Variants in GPBP1 observed in about 807,000 individuals in gnomAD.
The protein encoded by GPBP1 is vasculin.
GPBP1 carries 13 observed loss-of-function variants against 56.5 expected under a neutral mutation model. The observed-to-expected ratio is 0.23, with a 90% CI of 0.15 to 0.37. The LOEUF (loss-of-function observed/expected upper bound fraction) is 0.37, where lower values mean the gene tolerates loss of function less well. Among genes scored for constraint, GPBP1 ranks in the 10% least tolerant of loss-of-function variants. GPBP1 has a pLI of 1.00. For missense variants in GPBP1, 477 were observed against 572.3 expected (o/e 0.83, Z 1.70); for synonymous variants, 204 against 188.9 (o/e 1.08, Z -0.66).
At chr5:57,219,405 C>CAAAAAAAAAAA (rs1200185260) in intron 3 of GPBP1, among the ~76,000 whole-genome samples, 3 of 34,188 alleles carry the variant, frequency 8.8e-5, no homozygotes, top group Non-Finnish European at 1.1e-4. Flanking sequence ...AAAAAAAAAC[C>CAAAAAAAAAAA]AAAAACAAAC....
At chr5:57,256,532 AAGAG>A (rs950082165) in intron 10 of GPBP1, among the ~76,000 whole-genome samples, 12 of 152,306 alleles carry the variant, frequency 7.9e-5, no homozygotes, top group African/African-American at 1.7e-4. Context: ...AAACTATAAA[AAGAG>A]AGAGTTATGC....
intron 6 of GPBP1, chr5:57,246,033 T>G: frequency 3.6e-6 from 1 of 280,428 alleles, no homozygotes; most frequent in East Asian, 6.1e-5. Context: ...TTTGTCTTGG[T>G]TTTAACATTC....
intron 2 of GPBP1, among the ~76,000 whole-genome samples, chr5:57,185,728 G>A (rs1754256492): frequency 1.3e-5 from 2 of 152,100 alleles, no homozygotes; most frequent in Non-Finnish European, 2.9e-5. Context: ...GCCTGAGCAC[G>A]GTGCCTCATG....
chr5:57,193,802 AC>A (rs1395100292), intron 2 of GPBP1, among the ~76,000 whole-genome samples: 4 of 152,130 alleles, frequency 2.6e-5, no homozygotes, highest in South Asian at 2.1e-4. Flanking sequence ...TTTGAAAAAA[AC>A]AAAACAGTTT....
At chr5:57,256,756 G>GT (rs1167633499) in intron 10 of GPBP1, among the ~76,000 whole-genome samples, 1 of 152,040 alleles carries the variant, frequency 6.6e-6, no homozygotes, top group African/African-American at 2.4e-5. Context: ...ATATGAAACT[G>GT]TTTTTATTTA....
intron 2 of GPBP1, among the ~76,000 whole-genome samples, chr5:57,181,364 C>T (rs1176595835): frequency 1.3e-5 from 2 of 151,658 alleles, no homozygotes; most frequent in Admixed American, 1.3e-4. Flanking sequence ...AGAGATGAGG[C>T]CGGATGCCTC....
chr5:57,195,715 T>C (rs1326159609), intron 2 of GPBP1, among the ~76,000 whole-genome samples: 1 of 152,054 alleles, frequency 6.6e-6, no homozygotes, highest in Non-Finnish European at 1.5e-5. Flanking sequence ...AATACGTTTT[T>C]CGGCTGGGCG....
chr5:57,205,784 G>A (rs1169904511), intron 2 of GPBP1, among the ~76,000 whole-genome samples: 1 of 151,702 alleles, frequency 6.6e-6, no homozygotes, highest in Non-Finnish European at 1.5e-5. Flanking sequence ...TATTTTTTGA[G>A]ACAGGATCTT....
chr5:57,194,328 C>G (rs753610510), intron 2 of GPBP1, among the ~76,000 whole-genome samples: 13 of 152,102 alleles, frequency 8.5e-5, no homozygotes, highest in Non-Finnish European at 1.8e-4. Context: ...ATGTATATTT[C>G]TAGTGCTAAT....
intron 3 of GPBP1, among the ~76,000 whole-genome samples, chr5:57,217,310 C>T (rs888198566): frequency 2.6e-5 from 4 of 152,122 alleles, no homozygotes; most frequent in African/African-American, 9.7e-5. Flanking sequence ...CGGTGGCTCA[C>T]GCCTATAATC....
chr5:57,200,830 A>C (rs1754987834), intron 2 of GPBP1, among the ~76,000 whole-genome samples: 1 of 152,084 alleles, frequency 6.6e-6, no homozygotes, highest in Middle Eastern at 3.2e-3. Flanking sequence ...TACAGGCGCT[A>C]GCCACCACGC....
intron 2 of GPBP1, among the ~76,000 whole-genome samples, chr5:57,209,629 A>G (rs1755388485): frequency 6.6e-6 from 1 of 150,486 alleles, no homozygotes; most frequent in South Asian, 2.1e-4. Flanking sequence ...GGTTTTTTTT[A>G]ATAGATGCTG....
At chr5:57,249,138 CTAGGA>C (rs1166109819) in intron 8 of GPBP1, 1 of 293,272 alleles carries the variant, frequency 3.4e-6, no homozygotes, top group Non-Finnish European at 6.4e-6. Context: ...TTAAACAATT[CTAGGA>C]TGCATTTATA....
rs907199088 is a variant in GPBP1 at position 57,232,625 on chromosome 5, G to A, written c.411+1304G>A. On this transcript the variant is annotated intron_variant, in intron 5 of 11. Transcript: ENST00000506184. ...AAAACTTTTTGAAAAGTTCTAAGGT[G>A]CTAGCCAATCAGGACAAATACAGAA... 7.0e-4 allele frequency among the ~76,000 whole-genome samples: 107 copies of A among 152,280 alleles called. 1 individual carries two copies. The highest frequency in any genetic ancestry group is 2.5e-4 in the Non-Finnish European group (17 of 68,026).
In GPBP1 at chr5:57,218,744, C is replaced by T. The variant is rs534545436; in HGVS notation, c.63+4551C>T. Among the ~76,000 whole-genome samples the T allele has an allele frequency of 1.7e-3, 263 of 152,262 alleles. 3 individuals carry two copies. Among genetic ancestry groups the T allele is most frequent in the African/African-American group, 6.2e-3 (256 of 41,560 alleles). ...CCTCCCAGTGTGCTGGGATAACAGG[C>T]GTGAGCCACCACGCTCGAGCCAGAA... On this transcript the variant is annotated intron_variant, in intron 3 of 11. Transcript: ENST00000506184.
intron 2 of GPBP1, among the ~76,000 whole-genome samples, chr5:57,193,702 T>A (rs1226330240): frequency 6.6e-6 from 1 of 151,912 alleles, no homozygotes; most frequent in East Asian, 1.9e-4. Context: ...TTTAAAAAAT[T>A]AAATTGTTGG....
At chr5:57,218,821 A>G (rs1057494656) in intron 3 of GPBP1, among the ~76,000 whole-genome samples, 4 of 152,232 alleles carry the variant, frequency 2.6e-5, no homozygotes, top group African/African-American at 7.2e-5. Flanking sequence ...ACCAGGTCCT[A>G]ATAAATTTTG....
rs1430851853 is a variant in GPBP1, at chr5:57,176,020, C to T, written c.-438C>T. On this transcript the variant is annotated 5_prime_UTR_variant, in exon 2 of 12. Transcript: ENST00000506184. ...CGGCAGCATGGTAGTATTGAGATAG[C>T]TATGTGTGTCTCTGTATATGCTGAT... 2.5e-6 allele frequency: 1 copy of T among 398,290 alleles called. No homozygotes were observed. The highest frequency in any genetic ancestry group is 4.4e-6 in the Non-Finnish European group (1 of 226,028). 24.7% of individuals were successfully genotyped at this position (398,290 alleles called of 1,614,324 possible).
At chr5:57,255,581 T>C (rs1741621034) in intron 10 of GPBP1, among the ~76,000 whole-genome samples, 1 of 152,232 alleles carries the variant, frequency 6.6e-6, no homozygotes, top group African/African-American at 2.4e-5. Flanking sequence ...CTTAAGGAGA[T>C]AGAGCATAGG....
Sources: gnomAD v4.1 joint callset for allele counts (sites outside exome capture counted in the v4.1 genomes callset) on GRCh38, gnomAD v4.1.1 for gene constraint, MANE v1.5 for transcripts, NCBI Gene and HGNC (gene_info 2026-07-23, HGNC 2026-07-21) for gene names.